Variants in HIP1 observed in about 807,000 individuals in gnomAD.
HIP1 encodes huntingtin-interacting protein 1.
In HIP1, 65 loss-of-function variants were observed where a neutral mutation model predicts 147.6. That is an observed-to-expected ratio of 0.44 (90% CI 0.36 to 0.54). The LOEUF (loss-of-function observed/expected upper bound fraction) is 0.54. Ranked by LOEUF, HIP1 falls within the 20% of genes least tolerant of loss-of-function variation. The probability of loss-of-function intolerance (pLI) is 0.00; values close to 1 mark genes in which losing one functional copy is unlikely to be tolerated. For synonymous variants in HIP1, 479 were observed against 504.0 expected, an observed-to-expected ratio of 0.95 and a Z score of 0.67; for missense variants, 1,061 against 1,299.6, an observed-to-expected ratio of 0.82 and a Z score of 2.82.
intron 1 of HIP1, among the ~76,000 whole-genome samples, chr7:75,681,929 C>T (rs1800088127): frequency 6.6e-6 from 1 of 151,842 alleles, no homozygotes; most frequent in African/African-American, 2.4e-5. Flanking sequence ...GGACTGGCAC[C>T]TTCCCTGCTC....
At chr7:75,644,815 C>T (rs1798753828) in intron 1 of HIP1, among the ~76,000 whole-genome samples, 1 of 152,184 alleles carries the variant, frequency 6.6e-6, no homozygotes, top group Admixed American at 6.5e-5. Flanking sequence ...CAAGCAAAGC[C>T]TTAGCCAGGG....
Position 75,535,279 on chromosome 7 carries a change from G to GCT in HIP1, c.*2891_*2892dup, listed in dbSNP as rs1388183455. ...TTTGTTTTTAAAGAGATGGAGTCTC[G>GCT]CTCTGTCACTCAGGCTGGAGTGCAG... On this transcript the variant is annotated 3_prime_UTR_variant, in exon 31 of 31. Transcript: ENST00000336926. 1 of 201,510 alleles carries GCT rather than the reference G, an allele frequency of 5.0e-6. No homozygotes were observed. The highest frequency in any genetic ancestry group is 1.0e-5 in the Non-Finnish European group (1 of 97,922). 12.5% of individuals were successfully genotyped at this position (201,510 alleles called of 1,614,324 possible).
chr7:75,607,185 AC>A (rs1370333533), intron 1 of HIP1, among the ~76,000 whole-genome samples: 3 of 150,746 alleles, frequency 2.0e-5, no homozygotes, highest in African/African-American at 7.3e-5. Flanking sequence ...CCTGAGCAAC[AC>A]AGTAAGGCAC....
Position 75,702,914 on chromosome 7 carries a change from C to A in HIP1, c.120+35887G>T, listed in dbSNP as rs558386349. Among the ~76,000 whole-genome samples, 10 of 152,266 alleles carry A rather than the reference C, an allele frequency of 6.6e-5. No individual in the cohort carries two copies. The South Asian group carries it at 1.9e-3, about 28-fold the overall frequency. On this transcript the variant is annotated intron_variant, in intron 1 of 30. Coordinates refer to ENST00000336926, the MANE Select transcript of HIP1 (RefSeq NM_005338.7). The stretch of plus-strand genomic sequence containing the variant: ...ATTAACCTATTCATGAGGTATCTGC[C>A]CCCAAGATGCAAAATACCTCCCATT...
rs1445385915 is a variant in HIP1 at position 75,683,126 on chromosome 7, C to T, written c.120+55675G>A. Among the ~76,000 whole-genome samples, 8 of 152,020 alleles carry T rather than the reference C, an allele frequency of 5.3e-5. No homozygotes were observed. In the South Asian group the frequency reaches 8.3e-4, roughly 16 times the overall value. On this transcript the variant is annotated intron_variant, in intron 1 of 30. Transcript: ENST00000336926. The stretch of plus-strand genomic sequence containing the variant: ...CCTCCCGAGCAGCTGGGACTACAGG[C>T]GTGCGCTACCATGCCCAGCTAATTT...
chr7:75,570,049 C>T (rs1267643998), intron 8 of HIP1, among the ~76,000 whole-genome samples: 1 of 151,902 alleles, frequency 6.6e-6, no homozygotes, highest in Non-Finnish European at 1.5e-5. Flanking sequence ...ATTCTCCTGC[C>T]TCAGCTCCCA....
At chr7:75,729,073 T>A (rs1801745402) in intron 1 of HIP1, among the ~76,000 whole-genome samples, 1 of 133,328 alleles carries the variant, frequency 7.5e-6, no homozygotes, top group Admixed American at 7.9e-5. Context: ...CATCTGAACT[T>A]AAAAGTTGAG....
Position 75,561,975 on chromosome 7 carries a change from C to T in HIP1, c.1118+98G>A, listed in dbSNP as rs1795243588. ...CAAGATGTTCTGTATCTAAGAAGCCCCAGTATCATTAAGAATTCCTCTTTG... is the reference window on the plus strand; with the variant it reads ...CAAGATGTTCTGTATCTAAGAAGCCTCAGTATCATTAAGAATTCCTCTTTG... On this transcript the variant is annotated intron_variant, in intron 12 of 30. Transcript: ENST00000336926. The T allele has an allele frequency of 4.0e-6, 3 of 756,968 alleles. No homozygotes were observed. In the Admixed American group the frequency reaches 5.9e-5, roughly 15 times the overall value. The allele number at this position is 756,968 out of a possible 1,614,324, so 46.9% of individuals were successfully genotyped here. A position where few individuals can be genotyped will look rare whatever the true frequency, so the allele number is the denominator to read the frequency against.
At chr7:75,563,391 C>T in intron 9 of HIP1, 128 bp from the exon 10 acceptor site, 1 of 719,682 alleles carries the variant, frequency 1.4e-6, no homozygotes, top group Non-Finnish European at 2.4e-6. Context: ...GAGATAAACT[C>T]CATGGTGCTG....
At chr7:75,721,077 A>C (rs1196756090) in intron 1 of HIP1, among the ~76,000 whole-genome samples, 1 of 150,548 alleles carries the variant, frequency 6.6e-6, no homozygotes, top group Non-Finnish European at 1.5e-5. Context: ...ATAAAAAATC[A>C]AAAAATTAGC....
intron 5 of HIP1, among the ~76,000 whole-genome samples, chr7:75,584,388 C>T (rs782524054): frequency 6.6e-6 from 1 of 152,186 alleles, no homozygotes; most frequent in Admixed American, 6.6e-5. Flanking sequence ...TCCTTCCCCA[C>T]TCTTGTATCG....
chr7:75,697,912 T>G (rs1224114731), intron 1 of HIP1, among the ~76,000 whole-genome samples: 1 of 152,218 alleles, frequency 6.6e-6, no homozygotes, highest in Non-Finnish European at 1.5e-5. Context: ...GATAACAAAT[T>G]CCATAATTTC....
At chr7:75,686,932 C>T (rs1800281772) in intron 1 of HIP1, among the ~76,000 whole-genome samples, 1 of 150,874 alleles carries the variant, frequency 6.6e-6, no homozygotes, top group Non-Finnish European at 1.5e-5. Context: ...TGATCCTCCA[C>T]CCTCAGCCTC....
chr7:75,645,072 G>A (rs1034586982), intron 1 of HIP1, among the ~76,000 whole-genome samples: 1 of 152,200 alleles, frequency 6.6e-6, no homozygotes, highest in African/African-American at 2.4e-5. Flanking sequence ...CAGGAACTAG[G>A]AAGGTGGGTG....
intron 1 of HIP1, among the ~76,000 whole-genome samples, chr7:75,641,094 G>A (rs1554510422): frequency 6.6e-6 from 1 of 151,968 alleles, no homozygotes. Flanking sequence ...ATCACTTGAG[G>A]CCAGGAGTTT....
chr7:75,646,329 C>T (rs1554511099), intron 1 of HIP1, among the ~76,000 whole-genome samples: 1 of 152,178 alleles, frequency 6.6e-6, no homozygotes, highest in Non-Finnish European at 1.5e-5. Flanking sequence ...TCAGGTGATC[C>T]ACTCATCTCG....
Position 75,573,897 on chromosome 7 carries a change from G to C in HIP1, c.609C>G (p.Phe203Leu). 1.2e-6 allele frequency: 2 copies of C among 1,609,856 alleles called. No individual in the cohort carries two copies. The highest frequency in any genetic ancestry group is 1.7e-6 in the Non-Finnish European group (2 of 1,176,652). ...CAGAGCGGGACATGTCCAGGGAGTTGAATACTAGGAAATAAAAGTGAGGGA... is the reference window on the plus strand; with the variant it reads ...CAGAGCGGGACATGTCCAGGGAGTTCAATACTAGGAAATAAAAGTGAGGGA... ...ECELNLFQTV[F>L]NSLDMSRSVS... is the part of the protein sequence containing the mutation. Residue 203 changes from phenylalanine (F) to leucine (L), a missense_variant, in exon 8 of 31, where the codon TTC becomes TTG. Phe to Leu is a conservative substitution (Grantham distance 22). Coordinates refer to ENST00000336926, the MANE Select transcript of HIP1 (RefSeq NM_005338.7).
Position 75,542,964 on chromosome 7 carries a change from T to C in HIP1, c.2777A>G (p.Asp926Gly). Reference protein sequence around the residue: ...QLVAASKVKADKDSPNLAQLQ... With the variant: ...QLVAASKVKAGKDSPNLAQLQ... ...CTGGGCTAGGTTGGGGCTGTCCTTA[T>C]CAGCTTTCACCTACCAGGACAAAGC... is the stretch of plus-strand genomic sequence containing the variant. Residue 926 changes from aspartate to glycine, a missense_variant, in exon 28 of 31, where the codon GAT becomes GGT. Physicochemically the swap from Asp to Gly is moderately conservative, Grantham distance 94 (BLOSUM62 -1). Around this residue, in one of 3 missense-constraint regions of HIP1, gnomAD observed 810 missense variants for 946.8 expected, o/e 0.86. Transcript: ENST00000336926. 1 of 1,613,204 alleles carries C rather than the reference T, an allele frequency of 6.2e-7. No individual in the cohort carries two copies. Among genetic ancestry groups the C allele is most frequent in the African/African-American group, 1.3e-5 (1 of 74,990 alleles).
In HIP1 at chr7:75,536,922, A is replaced by G. The variant is rs1318797591; in HGVS notation, c.*1250T>C. On this transcript the variant is annotated 3_prime_UTR_variant, in exon 31 of 31. Transcript: ENST00000336926. ...ATACTAAGGGTAGCAAACCAAGTATAGGGTTCTTCCCTGATGGGAGCAATT... is the reference window on the plus strand; with the variant it reads ...ATACTAAGGGTAGCAAACCAAGTATGGGGTTCTTCCCTGATGGGAGCAATT... 2 of 231,112 alleles carry G rather than the reference A, an allele frequency of 8.7e-6. No individual in the cohort carries two copies. Among genetic ancestry groups the G allele is most frequent in the African/African-American group, 2.2e-5 (1 of 45,238 alleles). 14.3% of individuals were successfully genotyped at this position (231,112 alleles called of 1,614,324 possible).
Sources: allele counts gnomAD v4.1 joint callset (sites outside exome capture counted in the v4.1 genomes callset), GRCh38; gene constraint gnomAD v4.1.1; regional missense constraint gnomAD v4.1.1; transcripts MANE v1.5; gene names NCBI Gene and HGNC (gene_info 2026-07-23, HGNC 2026-07-21).